The following QTMAN variants were observed in gnomAD, a reference collection of about 807,000 sequenced individuals.
QTMAN encodes the protein tRNA-queuosine alpha-mannosyltransferase.
At chr2:144,310,565 A>C in the QTMAN span, among the ~76,000 whole-genome samples, 1 of 152,234 alleles carries the variant, frequency 6.6e-6, no homozygotes, top group Non-Finnish European at 1.5e-5. Context: ...GAGGCTACTA[A>C]AATAATCCAA....
the QTMAN span, among the ~76,000 whole-genome samples, chr2:144,008,978 A>G: frequency 6.6e-6 from 1 of 152,032 alleles, no homozygotes; most frequent in Non-Finnish European, 1.5e-5. Context: ...AGGGAGGGGA[A>G]GGCAAGGTTG....
At chr2:144,301,739 G>C in the QTMAN span, among the ~76,000 whole-genome samples, 97 of 152,276 alleles carry the variant, frequency 6.4e-4, 1 homozygote, top group Non-Finnish European at 1.1e-3. Flanking sequence ...TGGAGGAAAT[G>C]CAAGTATTAA....
chr2:144,223,410 G>C, the QTMAN span, among the ~76,000 whole-genome samples: 1 of 152,026 alleles, frequency 6.6e-6, no homozygotes, highest in South Asian at 2.1e-4. Flanking sequence ...ATATGAAAAA[G>C]AAATCCTCCT....
the QTMAN span, among the ~76,000 whole-genome samples, chr2:144,155,870 C>G: frequency 2.0e-5 from 3 of 151,716 alleles, no homozygotes; most frequent in East Asian, 5.8e-4. Flanking sequence ...ATAATATCTG[C>G]TTCGTGACAA....
the QTMAN span, among the ~76,000 whole-genome samples, chr2:144,094,102 T>C: frequency 6.6e-6 from 1 of 152,236 alleles, no homozygotes; most frequent in Admixed American, 6.5e-5. Context: ...GACTGTACAA[T>C]GGTAACTTTT....
At chr2:144,230,813 T>C in the QTMAN span, among the ~76,000 whole-genome samples, 1 of 152,088 alleles carries the variant, frequency 6.6e-6, no homozygotes, top group African/African-American at 2.4e-5. Flanking sequence ...AAGATTGTTT[T>C]AATGGGAAAT....
chr2:144,196,666 T>C, the QTMAN span, among the ~76,000 whole-genome samples: 1 of 152,238 alleles, frequency 6.6e-6, no homozygotes, highest in East Asian at 1.9e-4. Context: ...TAAAGCATAT[T>C]GCCTTATTCA....
chr2:144,032,714 T>C, the QTMAN span, among the ~76,000 whole-genome samples: 2 of 152,176 alleles, frequency 1.3e-5, no homozygotes, highest in African/African-American at 4.8e-5. Flanking sequence ...TCTGGAAGTG[T>C]TGCTTGGCAA....
At chr2:143,990,866 T>C in the QTMAN span, among the ~76,000 whole-genome samples, 6 of 152,066 alleles carry the variant, frequency 3.9e-5, no homozygotes, top group African/African-American at 1.2e-4. Flanking sequence ...GTTTTAAGTG[T>C]TTAAAGAAAT....
the QTMAN span, among the ~76,000 whole-genome samples, chr2:144,081,596 A>G: frequency 5.3e-5 from 8 of 152,162 alleles, no homozygotes; most frequent in African/African-American, 1.4e-4. Flanking sequence ...TCCTCCCCCT[A>G]ATAAACCTTG....
At chr2:144,254,684 C>G in the QTMAN span, among the ~76,000 whole-genome samples, 1 of 152,280 alleles carries the variant, frequency 6.6e-6, no homozygotes, top group East Asian at 1.9e-4. Context: ...AATGGGAGAT[C>G]TAGCAACAGC....
chr2:144,018,808 G>A, the QTMAN span, among the ~76,000 whole-genome samples: 1 of 152,162 alleles, frequency 6.6e-6, no homozygotes, highest in South Asian at 2.1e-4. Context: ...TGTGGTAGGT[G>A]CTTCAATCAG....
At chr2:144,016,573 T>C in the QTMAN span, among the ~76,000 whole-genome samples, 74 of 152,294 alleles carry the variant, frequency 4.9e-4, no homozygotes, top group African/African-American at 1.8e-3. Flanking sequence ...ATAGTATCAA[T>C]AAAGCATTGA....
chr2:144,037,981 C>T, the QTMAN span, among the ~76,000 whole-genome samples: 1 of 152,236 alleles, frequency 6.6e-6, no homozygotes, highest in Non-Finnish European at 1.5e-5. Context: ...AATCTCAGCT[C>T]TGCCACTTAT....
chr2:144,145,435 A>G, the QTMAN span: 1 of 546,220 alleles, frequency 1.8e-6, no homozygotes. Context: ...AGAAGGAAGA[A>G]TTGTTTAAAT....
At chr2:144,023,317 A>AG in the QTMAN span, among the ~76,000 whole-genome samples, 4 of 152,166 alleles carry the variant, frequency 2.6e-5, no homozygotes, top group Non-Finnish European at 4.4e-5. Flanking sequence ...GGAAAAAAAA[A>AG]GAAAAGAAAA....
chr2:144,235,060 TTTC>T, the QTMAN span, among the ~76,000 whole-genome samples: 1 of 152,326 alleles, frequency 6.6e-6, no homozygotes, highest in Non-Finnish European at 1.5e-5. Context: ...GCCTTTTATA[TTTC>T]TTTTTTCTCT....
At chr2:144,234,022 ATTATAAT>A in the QTMAN span, among the ~76,000 whole-genome samples, 3 of 152,156 alleles carry the variant, frequency 2.0e-5, no homozygotes, top group Non-Finnish European at 4.4e-5. Context: ...AAAAAGAAGT[ATTATAAT>A]TTTTAGGTCA....
At chr2:144,202,348 C>A in the QTMAN span, among the ~76,000 whole-genome samples, 1 of 152,164 alleles carries the variant, frequency 6.6e-6, no homozygotes, top group East Asian at 1.9e-4. Flanking sequence ...AGCAGAAAAT[C>A]TTTCTCCTAT....
Sources: allele counts gnomAD v4.1 joint callset (sites outside exome capture counted in the v4.1 genomes callset), GRCh38; gene constraint gnomAD v4.1.1; transcripts MANE v1.5; gene names NCBI Gene and HGNC (gene_info 2026-07-23, HGNC 2026-07-21).